The following MRPS9 variants were observed in gnomAD, a reference collection of about 807,000 sequenced individuals.
The protein encoded by MRPS9 is small ribosomal subunit protein uS9m.
In MRPS9, 45 loss-of-function variants were observed where a neutral mutation model predicts 59.9. The observed-to-expected ratio is 0.75, with a 90% confidence interval of 0.59 to 0.96. The LOEUF (loss-of-function observed/expected upper bound fraction) is 0.96. Ranked by LOEUF, MRPS9 falls within the 40% of genes least tolerant of loss-of-function variation. The probability of loss-of-function intolerance (pLI) is 0.00; values close to 1 mark genes in which losing one functional copy is unlikely to be tolerated. For synonymous variants in MRPS9, 171 were observed against 166.8 expected (o/e 1.03, Z -0.19); for missense variants, 473 against 481.1 (o/e 0.98, Z 0.16).
chr2:105,091,575 C>A, intron 7 of MRPS9: 1 of 308,418 alleles, frequency 3.2e-6, no homozygotes, highest in South Asian at 2.7e-5. Flanking sequence ...CAGATTTTTA[C>A]AATAAAGGCA....
intron 2 of MRPS9, among the ~76,000 whole-genome samples, chr2:105,069,983 G>A (rs1680083667): frequency 6.6e-6 from 1 of 152,118 alleles, no homozygotes; most frequent in Non-Finnish European, 1.5e-5. Flanking sequence ...CTGCACTCCA[G>A]CCTCAGCGAC....
chr2:105,042,969 C>G (rs1045774800), intron 1 of MRPS9, among the ~76,000 whole-genome samples: 2 of 152,130 alleles, frequency 1.3e-5, no homozygotes, highest in African/African-American at 4.8e-5. Flanking sequence ...CTCCCACCCC[C>G]CAGAGTCATT....
chr2:105,088,966 A>G lies in MRPS9; in HGVS notation c.490-18A>G, dbSNP rs1214053950. 3 of 1,546,372 alleles carry G rather than the reference A, an allele frequency of 1.9e-6. No individual in the cohort carries two copies. Among genetic ancestry groups the G allele is most frequent in the South Asian group, 2.3e-5 (2 of 86,976 alleles). The stretch of plus-strand genomic sequence containing the variant: ...TGCTCTTATTTTTAGCATGTACTGT[A>G]TATTTTGTTTGCCATAGGATGTATA... On this transcript the variant is annotated intron_variant, in intron 5 of 10. Transcript: ENST00000258455.
At chr2:105,057,076 G>C (rs1679804265) in intron 2 of MRPS9, among the ~76,000 whole-genome samples, 1 of 152,082 alleles carries the variant, frequency 6.6e-6, no homozygotes, top group Non-Finnish European at 1.5e-5. Context: ...TTAGTAATTG[G>C]CAGGTATAGA....
chr2:105,038,913 G>A (rs925810076), intron 1 of MRPS9, among the ~76,000 whole-genome samples: 11 of 152,172 alleles, frequency 7.2e-5, no homozygotes, highest in African/African-American at 1.9e-4. Context: ...GTAGGTCTAC[G>A]GATAGTCAAG....
chr2:105,081,495 T>C (rs1050902576), intron 5 of MRPS9, among the ~76,000 whole-genome samples: 3 of 152,216 alleles, frequency 2.0e-5, no homozygotes, highest in African/African-American at 7.2e-5. Context: ...TAGAGGAGCC[T>C]TATCAAACAG....
At chr2:105,060,269 T>C (rs1679874874) in intron 2 of MRPS9, among the ~76,000 whole-genome samples, 2 of 152,118 alleles carry the variant, frequency 1.3e-5, no homozygotes, top group Non-Finnish European at 2.9e-5. Context: ...ATTGGGAAAT[T>C]ACAATTGTGT....
chr2:105,067,571 A>G (rs1680024991), intron 2 of MRPS9, among the ~76,000 whole-genome samples: 1 of 152,150 alleles, frequency 6.6e-6, no homozygotes, highest in African/African-American at 2.4e-5. Flanking sequence ...TCCATTCTTT[A>G]GTAACCTTTC....
chr2:105,076,519 G>A (rs1401875171), intron 4 of MRPS9, among the ~76,000 whole-genome samples: 4 of 152,154 alleles, frequency 2.6e-5, no homozygotes, highest in Admixed American at 6.6e-5. Flanking sequence ...ATACATACAT[G>A]TACCTCCTTT....
intron 1 of MRPS9, among the ~76,000 whole-genome samples, chr2:105,039,353 A>C (rs1308246989): frequency 6.7e-6 from 1 of 150,126 alleles, no homozygotes; most frequent in Non-Finnish European, 1.5e-5. Context: ...ATGTGCTAGA[A>C]ATTTTTATTT....
Position 105,087,800 on chromosome 2 carries a change from TTTCC to T in MRPS9, c.490-1153_490-1150del, listed in dbSNP as rs59753300. ...CCCTCCCTCCCTCCCTCCTGCCTTT[TTTCC>T]TTCCTTCCTTCCTTCCTTCCTTCCT... On this transcript the variant is annotated intron_variant, in intron 5 of 10. Transcript: ENST00000258455. Among the ~76,000 whole-genome samples, 560 of 138,674 alleles carry T rather than the reference TTTCC, an allele frequency of 4.0e-3. 2 individuals are homozygous for T. Among genetic ancestry groups the T allele is most frequent in the Middle Eastern group, 0.021 (6 of 286 alleles). The allele number at this position is 138,674 out of a possible 152,430, so 91.0% of individuals were successfully genotyped here.
intron 2 of MRPS9, among the ~76,000 whole-genome samples, chr2:105,050,639 G>A (rs1679694828): frequency 6.6e-6 from 1 of 152,128 alleles, no homozygotes; most frequent in African/African-American, 2.4e-5. Context: ...AAGATTCAAA[G>A]TTGTTAAATT....
chr2:105,042,156 T>C (rs1296665467), intron 1 of MRPS9, among the ~76,000 whole-genome samples: 2 of 152,254 alleles, frequency 1.3e-5, no homozygotes, highest in Non-Finnish European at 2.9e-5. Context: ...GCACACTTTG[T>C]TGGGTCCTCT....
rs1680752957 is a variant in MRPS9 at position 105,099,810 on chromosome 2, A to G, written c.*49A>G. 1 of 1,558,418 alleles carries G rather than the reference A, an allele frequency of 6.4e-7. No homozygotes were observed. The highest frequency in any genetic ancestry group is 8.8e-7 in the Non-Finnish European group (1 of 1,131,576). On this transcript the variant is annotated 3_prime_UTR_variant, in exon 11 of 11. Transcript: ENST00000258455. Reference sequence around the variant, plus strand: ...GGAAGAGCTATATATATGTGCCGACATGTGGCAGACACACAGTAAATAATG... The same window carrying G: ...GGAAGAGCTATATATATGTGCCGACGTGTGGCAGACACACAGTAAATAATG...
At chr2:105,049,654 TA>T (rs1679673631) in intron 2 of MRPS9, among the ~76,000 whole-genome samples, 1 of 152,190 alleles carries the variant, frequency 6.6e-6, no homozygotes, top group Non-Finnish European at 1.5e-5. Flanking sequence ...TAACAGATGG[TA>T]ATGAAAATAG....
intron 2 of MRPS9, among the ~76,000 whole-genome samples, chr2:105,070,658 A>G (rs1680095634): frequency 6.6e-6 from 1 of 152,142 alleles, no homozygotes; most frequent in Non-Finnish European, 1.5e-5. Context: ...CCTAGGACGT[A>G]GGGGCATTTG....
intron 1 of MRPS9, among the ~76,000 whole-genome samples, chr2:105,041,840 T>C (rs547207309): frequency 1.2e-3 from 184 of 152,320 alleles, no homozygotes; most frequent in Middle Eastern, 3.4e-3. Flanking sequence ...CTTGTAAGGA[T>C]AGAATTGAGT....
intron 2 of MRPS9, among the ~76,000 whole-genome samples, chr2:105,063,714 A>G (rs913889838): frequency 3.3e-4 from 51 of 152,360 alleles, no homozygotes; most frequent in Middle Eastern, 6.8e-3. Context: ...AATATAGTCT[A>G]TAGCAGGAGG....
intron 2 of MRPS9, 127 bp downstream of exon 2, chr2:105,049,477 TAC>T (rs1468707260): frequency 9.1e-6 from 7 of 771,756 alleles, no homozygotes; most frequent in Non-Finnish European, 1.4e-5. Flanking sequence ...AATGCTGCTA[TAC>T]ATTGTTTAAG....
Sources: gnomAD v4.1 joint callset for allele counts (sites outside exome capture counted in the v4.1 genomes callset) on GRCh38, gnomAD v4.1.1 for gene constraint, MANE v1.5 for transcripts, NCBI Gene and HGNC (gene_info 2026-07-23, HGNC 2026-07-21) for gene names.